Variants in PALLD observed in about 807,000 individuals in gnomAD.
PALLD encodes palladin.
In PALLD, 61 loss-of-function variants were observed where a neutral mutation model predicts 123.5. The observed-to-expected ratio is 0.49, with a 90% CI of 0.40 to 0.61. PALLD has a LOEUF of 0.61. Ranked by LOEUF, PALLD falls within the 20% of genes least tolerant of loss-of-function variation. The pLI is 0.00. For synonymous variants in PALLD, 465 were observed against 496.4 expected, an observed-to-expected ratio of 0.94 and a Z score of 0.84; for missense variants, 1,273 against 1,377.0, an observed-to-expected ratio of 0.92 and a Z score of 1.20.
intron 2 of PALLD, among the ~76,000 whole-genome samples, chr4:168,665,219 A>G (rs1357002173): frequency 1.3e-5 from 2 of 152,152 alleles, no homozygotes; most frequent in African/African-American, 2.4e-5. Flanking sequence ...TATCACAACC[A>G]TGGTACTTAA....
At position 168,587,402 on chromosome 4, in the gene PALLD, G is replaced by A. The variant is rs571021302; in HGVS notation, c.908+74990G>A. On this transcript the variant is annotated intron_variant, in intron 2 of 21. Coordinates refer to ENST00000505667, the MANE Select transcript of PALLD (RefSeq NM_001166108.2). ...CAATATACTTTCACCCTTGAAGAAA[G>A]GGAACTGTTTATGTCATTCAGTAGC... Among the ~76,000 whole-genome samples the A allele has an allele frequency of 6.6e-5, 10 of 152,274 alleles. No homozygotes were observed. In the East Asian group the frequency reaches 1.7e-3, roughly 26 times the overall value.
chr4:168,540,557 T>A (rs1156945643), intron 2 of PALLD, among the ~76,000 whole-genome samples: 3 of 152,216 alleles, frequency 2.0e-5, no homozygotes, highest in African/African-American at 7.2e-5. Flanking sequence ...GGAAAAAAAA[T>A]TATTTTAAAT....
intron 2 of PALLD, among the ~76,000 whole-genome samples, chr4:168,665,005 G>C (rs28550360): frequency 0.12 from 18,066 of 152,186 alleles, 1,457 homozygotes; most frequent in African/African-American, 0.23. Flanking sequence ...AAAATGTCAA[G>C]GGTTTTTTGT....
At chr4:168,738,025 A>G (rs1262342501) in intron 10 of PALLD, among the ~76,000 whole-genome samples, 2 of 152,352 alleles carry the variant, frequency 1.3e-5, no homozygotes, top group East Asian at 3.9e-4. Flanking sequence ...GCATGGAAGG[A>G]ATCTGACCAT....
At chr4:168,847,856 T>C (rs1345962045) in intron 10 of PALLD, among the ~76,000 whole-genome samples, 1 of 151,980 alleles carries the variant, frequency 6.6e-6, no homozygotes, top group Admixed American at 6.6e-5. Flanking sequence ...TTTCTCACAA[T>C]GAATATTCCT....
At chr4:168,761,641 GTTTGTTTT>G (rs1732860397) in intron 10 of PALLD, among the ~76,000 whole-genome samples, 2 of 11,648 alleles carry the variant, frequency 1.7e-4, no homozygotes, top group African/African-American at 4.2e-4. Flanking sequence ...TGTTGTTGTT[GTTTGTTTT>G]TTTTTTTTTT....
At chr4:168,607,275 T>C (rs1773275108) in intron 2 of PALLD, among the ~76,000 whole-genome samples, 1 of 152,200 alleles carries the variant, frequency 6.6e-6, no homozygotes, top group Non-Finnish European at 1.5e-5. Flanking sequence ...CTTTGGAGCA[T>C]CTGCCTGTCT....
At chr4:168,588,505 G>T (rs1379059112) in intron 2 of PALLD, among the ~76,000 whole-genome samples, 4 of 152,012 alleles carry the variant, frequency 2.6e-5, no homozygotes, top group Non-Finnish European at 4.4e-5. Flanking sequence ...GGGTTCAAGC[G>T]ATTCTCATGC....
intron 2 of PALLD, among the ~76,000 whole-genome samples, chr4:168,561,130 C>G (rs2149575939): frequency 6.6e-6 from 1 of 152,248 alleles, no homozygotes; most frequent in South Asian, 2.1e-4. Flanking sequence ...TGCTCTGAGG[C>G]CTCCCTGGAT....
intron 2 of PALLD, among the ~76,000 whole-genome samples, chr4:168,588,949 T>C (rs2149681417): frequency 6.6e-6 from 1 of 152,338 alleles, no homozygotes; most frequent in East Asian, 1.9e-4. Flanking sequence ...AGTCAATTTG[T>C]GGAAATTTCA....
intron 2 of PALLD, among the ~76,000 whole-genome samples, chr4:168,664,406 C>A (rs1472063832): frequency 6.6e-6 from 1 of 152,156 alleles, no homozygotes; most frequent in Non-Finnish European, 1.5e-5. Flanking sequence ...ATTTAGTCAT[C>A]TGAAATGGCT....
At chr4:168,564,249 T>C (rs2149586256) in intron 2 of PALLD, among the ~76,000 whole-genome samples, 1 of 152,346 alleles carries the variant, frequency 6.6e-6, no homozygotes, top group Non-Finnish European at 1.5e-5. Flanking sequence ...CAGTGCTTCT[T>C]AGAGGCGAGG....
In PALLD at chr4:168,896,999, T is replaced by C. The variant is rs1755339499; in HGVS notation, c.2250+400T>C. Among the ~76,000 whole-genome samples, 3 of 152,016 alleles carry C rather than the reference T, an allele frequency of 2.0e-5. No individual in the cohort carries two copies. In the South Asian group the frequency reaches 6.2e-4, roughly 32 times the overall value. ...AGTGCATGCCAACATGCCTGGCTAA[T>C]TTTGTATTTTTAGCAGAGATGGGGT... On this transcript the variant is annotated intron_variant, in intron 13 of 21. Transcript: ENST00000505667.
chr4:168,617,957 G>C (rs983927496), intron 2 of PALLD, among the ~76,000 whole-genome samples: 1 of 152,180 alleles, frequency 6.6e-6, no homozygotes, highest in East Asian at 1.9e-4. Flanking sequence ...GTTTTGGAGA[G>C]AGAAAGAGAG....
chr4:168,610,772 C>T (rs553112475), intron 2 of PALLD, among the ~76,000 whole-genome samples: 3 of 152,308 alleles, frequency 2.0e-5, no homozygotes, highest in South Asian at 2.1e-4. Flanking sequence ...TCAACATCCT[C>T]CCTCTCACCT....
chr4:168,546,104 G>T (rs1333820037), intron 2 of PALLD, among the ~76,000 whole-genome samples: 1 of 152,128 alleles, frequency 6.6e-6, no homozygotes, highest in Non-Finnish European at 1.5e-5. Flanking sequence ...TATATGCACA[G>T]GTTGGCCTGG....
At chr4:168,816,706 C>T (rs1742006107) in intron 10 of PALLD, among the ~76,000 whole-genome samples, 1 of 152,062 alleles carries the variant, frequency 6.6e-6, no homozygotes, top group South Asian at 2.1e-4. Context: ...TGAAAACTCT[C>T]TGGTCCTTTA....
intron 1 of PALLD, among the ~76,000 whole-genome samples, chr4:168,506,377 C>G (rs915693935): frequency 1.3e-5 from 2 of 151,740 alleles, no homozygotes; most frequent in African/African-American, 4.8e-5. Flanking sequence ...GTTTCTCTCT[C>G]TCTCCCTTTC....
intron 2 of PALLD, among the ~76,000 whole-genome samples, chr4:168,596,472 T>A (rs1337135532): frequency 6.6e-6 from 1 of 152,102 alleles, no homozygotes; most frequent in Non-Finnish European, 1.5e-5. Flanking sequence ...TGTAGGGAAC[T>A]CTTGTCTTCT....
Sources: allele counts gnomAD v4.1 joint callset (sites outside exome capture counted in the v4.1 genomes callset), GRCh38; gene constraint gnomAD v4.1.1; transcripts MANE v1.5; gene names NCBI Gene and HGNC (gene_info 2026-07-23, HGNC 2026-07-21).